Variants in PHOX2A observed in about 807,000 individuals in gnomAD.
The protein encoded by PHOX2A is paired mesoderm homeobox protein 2A.
In PHOX2A, 10 loss-of-function variants were observed where a neutral mutation model predicts 16.4. The observed-to-expected ratio is 0.61, with a 90% CI of 0.38 to 1.04. The LOEUF (loss-of-function observed/expected upper bound fraction) is 1.04. Among genes scored for constraint, PHOX2A ranks in the 50% least tolerant of loss-of-function variants. The pLI, the probability that PHOX2A is intolerant of heterozygous loss-of-function variation, is 0.01. For synonymous variants in PHOX2A, 219 were observed against 203.8 expected, an observed-to-expected ratio of 1.07 and a Z score of -0.64; for missense variants, 361 against 419.4, an observed-to-expected ratio of 0.86 and a Z score of 1.22.
chr11:72,239,979 G>T lies in PHOX2A; in HGVS notation c.625C>A (p.Pro209Thr). 7.4e-7 allele frequency: 1 copy of T among 1,348,568 alleles called. No homozygotes were observed. The highest frequency in any genetic ancestry group is 9.5e-7 in the Non-Finnish European group (1 of 1,053,654). 83.5% of individuals were successfully genotyped at this position (1,348,568 alleles called of 1,614,324 possible). Residue 209 changes from proline to threonine, a missense_variant, in exon 3 of 3, where the codon CCG becomes ACG. Around this residue, in one of 3 missense-constraint regions of PHOX2A, gnomAD observed 55 missense variants for 101.6 expected, o/e 0.54. Coordinates refer to ENST00000298231, the MANE Select transcript of PHOX2A (RefSeq NM_005169.4). Reference protein sequence around the residue: ...GLASPRLSPSPLPVALGSGPG... With the variant: ...GLASPRLSPSTLPVALGSGPG... ...CCGGAGCCCAGTGCGACGGGCAGCG[G>T]GCTGGGGCTCAGGCGCGGGCTGGCC...
Position 72,243,991 on chromosome 11 carries a change from T to C in PHOX2A, c.14A>G (p.Tyr5Cys), listed in dbSNP as rs2135458249. The C allele has an allele frequency of 1.5e-6, 2 of 1,292,094 alleles. No individual in the cohort carries two copies. Among genetic ancestry groups the C allele is most frequent in the Non-Finnish European group, 2.0e-6 (2 of 1,013,326 alleles). The allele number at this position is 1,292,094 out of a possible 1,614,324, so 80.0% of individuals were successfully genotyped here. The change falls in exon 1 of 3, where the codon TAC (tyrosine) becomes TGC (cysteine). Residue 5 changes from tyrosine (Y) to cysteine (C), a missense_variant. Transcript: ENST00000298231. ...CACGCACGAGTCGTACGAATTGAGG[T>C]AGGAGTAGTCCATCGGCCCGGGGGG... MDYSYLNSYDSCVAA... is the reference protein window; with the variant it reads MDYSCLNSYDSCVAA...
Position 72,239,821 on chromosome 11 carries a change from G to C in PHOX2A, c.783C>G (p.Pro261=). The change falls in exon 3 of 3, where the codon CCC becomes CCG. Residue 261 remains proline (P), a synonymous_variant. Coordinates refer to ENST00000298231, the MANE Select transcript of PHOX2A (RefSeq NM_005169.4). Reference sequence around the variant, plus strand: ...AGGACAGAACCCCGGAGAAGGGCCCGGGGCCGGACTCCGCCGGCTGCCAAG... The same window carrying C: ...AGGACAGAACCCCGGAGAAGGGCCCCGGGCCGGACTCCGCCGGCTGCCAAG... ...LKAWQPAESG[P]GPFSGVLSSF... 3 of 1,367,284 alleles carry C rather than the reference G, an allele frequency of 2.2e-6. No individual in the cohort carries two copies. The highest frequency in any genetic ancestry group is 1.5e-5 in the African/African-American group (1 of 66,874). 84.7% of individuals were successfully genotyped at this position (1,367,284 alleles called of 1,614,324 possible). A position where few individuals can be genotyped will look rare whatever the true frequency, so the allele number is the denominator to read the frequency against.
At chr11:72,241,375 G>A in intron 1 of PHOX2A, 86 bp from the exon 2 acceptor site, 3 of 836,878 alleles carry the variant, frequency 3.6e-6, no homozygotes, top group East Asian at 2.7e-5. Context: ...GTCCAGCTCC[G>A]GGGGAATCAC....
In PHOX2A at chr11:72,243,909, G is replaced by C. The variant is rs2135458141; in HGVS notation, c.96C>G (p.Gly32=). 1 of 1,297,582 alleles carries C rather than the reference G, an allele frequency of 7.7e-7. No individual in the cohort carries two copies. Among genetic ancestry groups the C allele is most frequent in the East Asian group, 3.0e-5 (1 of 33,536 alleles). 80.4% of individuals were successfully genotyped at this position (1,297,582 alleles called of 1,614,324 possible). The change falls in exon 1 of 3, where the codon GGC becomes GGG. Residue 32 remains glycine, a synonymous_variant. Transcript: ENST00000298231. ...GDFGACSQPG[G]FQYSPLRPAF... is the part of the protein sequence containing the mutation. ...CGGGCCGCAGGGGGCTGTATTGGAA[G>C]CCGCCGGGCTGGCTGCAGGCGCCAA... is the stretch of plus-strand genomic sequence containing the variant.
chr11:72,242,371 TCCC>T (rs1446888710), intron 1 of PHOX2A, among the ~76,000 whole-genome samples: 1 of 152,128 alleles, frequency 6.6e-6, no homozygotes, highest in Non-Finnish European at 1.5e-5. Flanking sequence ...TCTTCTTTGG[TCCC>T]CATCGCCTGA....
Position 72,241,296 on chromosome 11 carries a change from GT to G in PHOX2A, c.218-8del. On this transcript the variant is annotated splice_polypyrimidine_tract_variant and splice_region_variant and intron_variant, in intron 1 of 2. Transcript: ENST00000298231. The stretch of plus-strand genomic sequence containing the variant: ...GGGAAGAACTTGTAGGGCACTGCGG[GT>G]GTGTGCAGGGGGGCCGGGGGGGGGG... The G allele has an allele frequency of 1.3e-6, 2 of 1,551,584 alleles. No homozygotes were observed. The highest frequency in any genetic ancestry group is 2.4e-5 in the South Asian group (2 of 84,402).
intron 1 of PHOX2A, among the ~76,000 whole-genome samples, chr11:72,242,379 G>A (rs915209340): frequency 2.6e-5 from 4 of 151,994 alleles, no homozygotes; most frequent in South Asian, 2.1e-4. Flanking sequence ...GGTCCCCATC[G>A]CCTGATACTT....
chr11:72,240,795 G>A (rs958209240), intron 2 of PHOX2A, among the ~76,000 whole-genome samples: 1 of 152,076 alleles, frequency 6.6e-6, no homozygotes, highest in African/African-American at 2.4e-5. Context: ...TCCTCAGCTC[G>A]GCCCTGAGGT....
In PHOX2A at chr11:72,241,088, G is replaced by C; in HGVS notation, c.405+14C>G. 6.2e-7 allele frequency: 1 copy of C among 1,612,882 alleles called. No homozygotes were observed. Among genetic ancestry groups the C allele is most frequent in the African/African-American group, 1.3e-5 (1 of 75,018 alleles). On this transcript the variant is annotated intron_variant, in intron 2 of 2. Coordinates refer to ENST00000298231, the MANE Select transcript of PHOX2A (RefSeq NM_005169.4). ...TCCATGCGCACTCTCGTACACACAC[G>C]TGCATACACGCACCTGCACGCGAGC...
At position 72,239,555 on chromosome 11, in the gene PHOX2A, T is replaced by TA. The variant is rs760413369; in HGVS notation, c.*193dup. 8.8e-5 allele frequency: 36 copies of TA among 410,062 alleles called. No homozygotes were observed. Among genetic ancestry groups the TA allele is most frequent in the Middle Eastern group, 6.2e-4 (1 of 1,622 alleles). 25.4% of individuals were successfully genotyped at this position (410,062 alleles called of 1,614,324 possible). On this transcript the variant is annotated 3_prime_UTR_variant, in exon 3 of 3. Coordinates refer to ENST00000298231, the MANE Select transcript of PHOX2A (RefSeq NM_005169.4). Reference sequence around the variant, plus strand: ...GGTATAAAGAACTCCGCTCTGCTGGTAGAGGGTGGGTGAGGACGAGAGTGG... The same window carrying TA: ...GGTATAAAGAACTCCGCTCTGCTGGTAAGAGGGTGGGTGAGGACGAGAGTGG...
chr11:72,239,704 A>G lies in PHOX2A; in HGVS notation c.*45T>C. On this transcript the variant is annotated 3_prime_UTR_variant, in exon 3 of 3. Transcript: ENST00000298231. The stretch of plus-strand genomic sequence containing the variant: ...AGGGGCTGTCAGGTCCTGGAGGGGC[A>G]GGGACGTCTCTGGGGGCAGGCTCGG... 7.8e-7 allele frequency: 1 copy of G among 1,286,222 alleles called. No homozygotes were observed. Among genetic ancestry groups the G allele is most frequent in the Non-Finnish European group, 9.9e-7 (1 of 1,005,538 alleles). The allele number at this position is 1,286,222 out of a possible 1,614,324, so 79.7% of individuals were successfully genotyped here. A position where few individuals can be genotyped will look rare whatever the true frequency, so the allele number is the denominator to read the frequency against.
At chr11:72,242,158 T>C (rs1949127907) in intron 1 of PHOX2A, among the ~76,000 whole-genome samples, 1 of 151,964 alleles carries the variant, frequency 6.6e-6, no homozygotes, top group Non-Finnish European at 1.5e-5. Context: ...CCCAACTCTC[T>C]TCCTATACCC....
chr11:72,241,065 C>A lies in PHOX2A; in HGVS notation c.405+37G>T, dbSNP rs769061599. ...GACATTAAGCTCCCACACCTCCTTC[C>A]ATGCGCACTCTCGTACACACACGTG... is the stretch of plus-strand genomic sequence containing the variant. On this transcript the variant is annotated intron_variant, in intron 2 of 2. Coordinates refer to ENST00000298231, the MANE Select transcript of PHOX2A (RefSeq NM_005169.4). The A allele has an allele frequency of 4.4e-6, 7 of 1,604,874 alleles. No homozygotes were observed. The Admixed American group carries it at 8.3e-5, about 19-fold the overall frequency.
intron 2 of PHOX2A, among the ~76,000 whole-genome samples, chr11:72,240,430 T>C (rs924338447): frequency 6.6e-6 from 1 of 152,240 alleles, no homozygotes; most frequent in Non-Finnish European, 1.5e-5. Context: ...CCGCTGACTC[T>C]GCTGCCTCCC....
chr11:72,242,001 C>T (rs1949126945), intron 1 of PHOX2A, among the ~76,000 whole-genome samples: 1 of 151,662 alleles, frequency 6.6e-6, no homozygotes. Flanking sequence ...ATTTCTCAGC[C>T]ACTCTTCTCT....
chr11:72,243,733 G>T, intron 1 of PHOX2A, 55 bp downstream of exon 1: 1 of 1,065,034 alleles, frequency 9.4e-7, no homozygotes, highest in Non-Finnish European at 1.2e-6. Context: ...CTTGGCGAGC[G>T]GGCCCAGGGA....
chr11:72,240,687 G>A (rs1949110115), intron 2 of PHOX2A, among the ~76,000 whole-genome samples: 1 of 152,302 alleles, frequency 6.6e-6, no homozygotes, highest in East Asian at 1.9e-4. Context: ...CTTCGGCCCT[G>A]TGCCTGCCAC....
chr11:72,240,285 G>A, intron 2 of PHOX2A, 87 bp from the exon 3 acceptor site: 1 of 1,493,492 alleles, frequency 6.7e-7, no homozygotes, highest in Middle Eastern at 2.4e-4. Flanking sequence ...GTGAGATCCT[G>A]GTTCGGAAAG....
chr11:72,242,134 A>G (rs1448006720), intron 1 of PHOX2A, among the ~76,000 whole-genome samples: 11 of 151,510 alleles, frequency 7.3e-5, no homozygotes, highest in Admixed American at 7.2e-4. Context: ...TCTCCTCCAA[A>G]GCCAACACTG....
Sources: allele counts gnomAD v4.1 joint callset (sites outside exome capture counted in the v4.1 genomes callset), GRCh38; gene constraint gnomAD v4.1.1; regional missense constraint gnomAD v4.1.1; transcripts MANE v1.5; gene names NCBI Gene and HGNC (gene_info 2026-07-23, HGNC 2026-07-21).